The following SLC25A42 variants were observed in gnomAD, a reference collection of about 807,000 sequenced individuals.
SLC25A42 encodes the protein mitochondrial coenzyme A transporter SLC25A42.
SLC25A42 carries 19 observed loss-of-function variants against 34.7 expected under a neutral mutation model. The observed-to-expected ratio is 0.55, with a 90% CI of 0.38 to 0.80. SLC25A42 has a LOEUF of 0.80. SLC25A42 is among the 30% of genes least tolerant of loss of function. The pLI, the probability that SLC25A42 is intolerant of heterozygous loss-of-function variation, is 0.00. For synonymous variants in SLC25A42, 205 were observed against 191.2 expected, an observed-to-expected ratio of 1.07 and a Z score of -0.59; for missense variants, 364 against 441.3, an observed-to-expected ratio of 0.82 and a Z score of 1.57.
intron 1 of SLC25A42, among the ~76,000 whole-genome samples, chr19:19,066,312 G>T: frequency 6.6e-6 from 1 of 152,152 alleles, no homozygotes; most frequent in East Asian, 1.9e-4. Flanking sequence ...TGACTGGGGT[G>T]GCAGAAAGGG....
chr19:19,095,430 A>G (rs2059759381), intron 1 of SLC25A42, among the ~76,000 whole-genome samples: 1 of 152,126 alleles, frequency 6.6e-6, no homozygotes, highest in Admixed American at 6.6e-5. Flanking sequence ...CCTGGCCAAC[A>G]TGGTGAAACC....
At chr19:19,099,702 G>A (rs2059784399) in intron 2 of SLC25A42, among the ~76,000 whole-genome samples, 1 of 151,994 alleles carries the variant, frequency 6.6e-6, no homozygotes, top group Non-Finnish European at 1.5e-5. Flanking sequence ...CTGGGTTTCT[G>A]CAGGAGCCGC....
rs551585331 is a variant in SLC25A42 at position 19,065,309 on chromosome 19, CT to C, written c.-35+1195del. On this transcript the variant is annotated intron_variant, in intron 1 of 7. Coordinates refer to ENST00000318596, the MANE Select transcript of SLC25A42 (RefSeq NM_178526.5). Reference sequence around the variant, plus strand: ...CAGCTCTTGCAGACCCGGGACCCCTCTCCGACACTCCCTGGGCCCTTGAAGC... The same window carrying C: ...CAGCTCTTGCAGACCCGGGACCCCTCCCGACACTCCCTGGGCCCTTGAAGC... Among the ~76,000 whole-genome samples the C allele has an allele frequency of 2.6e-3, 398 of 152,150 alleles. 1 individual carries two copies. The highest frequency in any genetic ancestry group is 8.9e-3 in the African/African-American group (368 of 41,482).
intron 1 of SLC25A42, among the ~76,000 whole-genome samples, chr19:19,079,931 A>G (rs1055049027): frequency 1.3e-5 from 2 of 152,186 alleles, no homozygotes; most frequent in Admixed American, 6.5e-5. Flanking sequence ...TTGCTGGGCC[A>G]CAATAGTATC....
At chr19:19,106,158 T>C (rs2059826259) in intron 5 of SLC25A42, 111 bp from the exon 6 acceptor site, 7 of 898,500 alleles carry the variant, frequency 7.8e-6, no homozygotes, top group Non-Finnish European at 1.2e-5. Flanking sequence ...TGTTCCTCGG[T>C]CCCCACCCCT....
At chr19:19,107,472 AAAT>A (rs1001331663) in intron 6 of SLC25A42, among the ~76,000 whole-genome samples, 1 of 152,132 alleles carries the variant, frequency 6.6e-6, no homozygotes, top group African/African-American at 2.4e-5. Context: ...TTTCTACTAA[AAAT>A]AAAAAATTAG....
rs2059682347 is a variant in SLC25A42 at position 19,081,628 on chromosome 19, C to T, written c.-34-14463C>T. 6.6e-6 allele frequency among the ~76,000 whole-genome samples: 1 copy of T among 152,154 alleles called. No homozygotes were observed. Among genetic ancestry groups the T allele is most frequent in the African/African-American group, 2.4e-5 (1 of 41,424 alleles). ...CTGGGGCTTCCTCCCCGAACCCATCCAAGCCTCCCTGTCCCAGGAAACGAC... is the reference window on the plus strand; with the variant it reads ...CTGGGGCTTCCTCCCCGAACCCATCTAAGCCTCCCTGTCCCAGGAAACGAC... On this transcript the variant is annotated intron_variant, in intron 1 of 7. Coordinates refer to ENST00000318596, the MANE Select transcript of SLC25A42 (RefSeq NM_178526.5). The surrounding 1 kb of genome is among the most constrained non-coding windows in gnomAD (Gnocchi z 4.5).
chr19:19,090,628 T>A (rs746761628), intron 1 of SLC25A42, among the ~76,000 whole-genome samples: 11 of 152,200 alleles, frequency 7.2e-5, no homozygotes, highest in Middle Eastern at 3.4e-3. Context: ...AAGACCAGCC[T>A]GGGTGAGACC....
chr19:19,075,465 C>T (rs947391035), intron 1 of SLC25A42, among the ~76,000 whole-genome samples: 6 of 152,236 alleles, frequency 3.9e-5, no homozygotes, highest in African/African-American at 1.4e-4. Context: ...CGCTGGTAGT[C>T]ACCCTTGTGG....
intron 1 of SLC25A42, among the ~76,000 whole-genome samples, chr19:19,093,128 T>G (rs987863128): frequency 6.6e-6 from 1 of 152,146 alleles, no homozygotes; most frequent in African/African-American, 2.4e-5. Flanking sequence ...TCAGGTGACC[T>G]TCTCACCTCA....
At chr19:19,086,921 A>AACAAACT (rs2059711047) in intron 1 of SLC25A42, among the ~76,000 whole-genome samples, 1 of 152,188 alleles carries the variant, frequency 6.6e-6, no homozygotes, top group African/African-American at 2.4e-5. Flanking sequence ...ACTGCAGTCA[A>AACAAACT]ACAAACTACA....
chr19:19,105,950 G>GT, intron 5 of SLC25A42: 1 of 561,010 alleles, frequency 1.8e-6, no homozygotes, highest in Non-Finnish European at 3.1e-6. Context: ...TCCTTTGCCC[G>GT]TTTGTCTCCA....
At chr19:19,069,318 C>A in intron 1 of SLC25A42, among the ~76,000 whole-genome samples, 1 of 152,174 alleles carries the variant, frequency 6.6e-6, no homozygotes, top group Non-Finnish European at 1.5e-5. Flanking sequence ...TTCTGGCAGG[C>A]AAATGGCTGA....
rs1431894650 is a variant in SLC25A42 at position 19,069,024 on chromosome 19, CT to C, written c.-35+4912del. 2.0e-4 allele frequency among the ~76,000 whole-genome samples: 13 copies of C among 64,112 alleles called. No homozygotes were observed. The East Asian group carries it at 1.0e-2, about 49-fold the overall frequency. 42.1% of individuals were successfully genotyped at this position (64,112 alleles called of 152,430 possible). A position where few individuals can be genotyped will look rare whatever the true frequency, so the allele number is the denominator to read the frequency against. On this transcript the variant is annotated intron_variant, in intron 1 of 7. Transcript: ENST00000318596. ...CCTGGGTGACAGTGAGGTTCTGTCT[CT>C]TTAAAAAAAAAAAAAAAGTATATAA... is the stretch of plus-strand genomic sequence containing the variant.
chr19:19,082,906 C>T (rs2059688577), intron 1 of SLC25A42, among the ~76,000 whole-genome samples: 2 of 152,052 alleles, frequency 1.3e-5, no homozygotes, highest in Non-Finnish European at 2.9e-5. Context: ...CAACCTCTGC[C>T]TCCTGGGTTC....
At chr19:19,096,743 C>A (rs2059767565) in intron 2 of SLC25A42, among the ~76,000 whole-genome samples, 1 of 152,014 alleles carries the variant, frequency 6.6e-6, no homozygotes, top group Non-Finnish European at 1.5e-5. Flanking sequence ...TTGAGACCAG[C>A]CTGGGCAACA....
At chr19:19,105,931 G>T in intron 5 of SLC25A42, 1 of 578,766 alleles carries the variant, frequency 1.7e-6, no homozygotes, top group South Asian at 2.2e-5. Context: ...TCTGTCTTCA[G>T]AGCTCCTCTC....
At chr19:19,102,355 G>C (rs2059802550) in intron 3 of SLC25A42, among the ~76,000 whole-genome samples, 1 of 152,018 alleles carries the variant, frequency 6.6e-6, no homozygotes, top group African/African-American at 2.4e-5. Context: ...CAAAGTCCTG[G>C]GCTCAAGTGA....
At position 19,065,199 on chromosome 19, in the gene SLC25A42, G is replaced by A. The variant is rs115337306; in HGVS notation, c.-35+1084G>A. ...CGGAGTCCTGGGGCAGGCTGGCGGT[G>A]GAGACGCTGCCGGAGGAGGGGGGCT... On this transcript the variant is annotated intron_variant, in intron 1 of 7. Transcript: ENST00000318596. Among the ~76,000 whole-genome samples, 282 of 152,240 alleles carry A rather than the reference G, an allele frequency of 1.9e-3. 1 individual carries two copies. The highest frequency in any genetic ancestry group is 6.5e-3 in the African/African-American group (271 of 41,542).
Sources: allele counts gnomAD v4.1 joint callset (sites outside exome capture counted in the v4.1 genomes callset), GRCh38; gene constraint gnomAD v4.1.1; non-coding constraint Gnocchi (gnomAD v3.1); transcripts MANE v1.5; gene names NCBI Gene and HGNC (gene_info 2026-07-23, HGNC 2026-07-21).